The following ZNF721 variants were observed in gnomAD, a reference collection of about 807,000 sequenced individuals.
The protein encoded by ZNF721 is zinc finger protein 721.
ZNF721 carries 2 observed loss-of-function variants against 2.4 expected under a neutral mutation model. That is an observed-to-expected ratio of 0.82 (90% confidence interval 0.34 to 2.58). The LOEUF (loss-of-function observed/expected upper bound fraction) is 2.58. ZNF721 is among the 30% of genes most tolerant of loss of function. The pLI is 0.11. For synonymous variants in ZNF721, 398 were observed against 381.8 expected, an observed-to-expected ratio of 1.04 and a Z score of -0.50; for missense variants, 1,187 against 1,085.5, an observed-to-expected ratio of 1.09 and a Z score of -1.31.
intron 1 of ZNF721, among the ~76,000 whole-genome samples, chr4:491,841 G>A (rs532609846): frequency 3.3e-5 from 5 of 151,940 alleles, no homozygotes; most frequent in East Asian, 3.9e-4. Flanking sequence ...AAAGATAAAC[G>A]GATGTAATAA....
chr4:467,921 G>A (rs552675990), intron 2 of ZNF721, among the ~76,000 whole-genome samples: 1 of 151,976 alleles, frequency 6.6e-6, no homozygotes, highest in South Asian at 2.1e-4. Flanking sequence ...CAAATCAGGA[G>A]GTCAGGAGAT....
chr4:472,936 G>A (rs1285843612), intron 1 of ZNF721, among the ~76,000 whole-genome samples: 1 of 152,010 alleles, frequency 6.6e-6, no homozygotes, highest in Non-Finnish European at 1.5e-5. Context: ...CCAAAACCAA[G>A]CAGAGTAGGC....
intron 2 of ZNF721, among the ~76,000 whole-genome samples, chr4:465,495 C>G (rs1715217672): frequency 6.6e-6 from 1 of 151,018 alleles, no homozygotes; most frequent in African/African-American, 2.4e-5. Flanking sequence ...GCAGTGGTGC[C>G]ATCTCGGCTT....
chr4:499,003 C>G, intron 1 of ZNF721, 53 bp downstream of exon 1: 1 of 346,174 alleles, frequency 2.9e-6, no homozygotes, highest in Non-Finnish European at 5.3e-6. Flanking sequence ...GGATTAAAGG[C>G]GTGAGCCACT....
intron 2 of ZNF721, among the ~76,000 whole-genome samples, chr4:449,550 G>A (rs1265707212): frequency 3.9e-5 from 6 of 152,068 alleles, no homozygotes; most frequent in African/African-American, 1.4e-4. Flanking sequence ...GACCTCAAAA[G>A]CACAGGCAGA....
intron 1 of ZNF721, among the ~76,000 whole-genome samples, chr4:494,007 A>G (rs1172861056): frequency 3.9e-5 from 6 of 152,346 alleles, no homozygotes; most frequent in African/African-American, 1.4e-4. Context: ...CTTAAGTGAC[A>G]TAAACTTCAA....
At chr4:495,590 A>C (rs1270869353) in intron 1 of ZNF721, among the ~76,000 whole-genome samples, 1 of 150,062 alleles carries the variant, frequency 6.7e-6, no homozygotes, top group Non-Finnish European at 1.5e-5. Flanking sequence ...CAAGTTTTAG[A>C]GGAAGTTTGC....
rs937498468 is a variant in ZNF721 at position 440,297 on chromosome 4, A to C, written c.*1398T>G. On this transcript the variant is annotated 3_prime_UTR_variant, in exon 3 of 3. Transcript: ENST00000511833. ...CCCACCTAATGCAAAGGAGTTTCTC[A>C]TATCTCTGACGCAGCAACAATTTAT... The C allele has an allele frequency of 1.3e-5, 2 of 152,212 alleles. No individual in the cohort carries two copies. The highest frequency in any genetic ancestry group is 4.1e-4 in the South Asian group (2 of 4,830). The allele number at this position is 152,212 out of a possible 1,614,324, so 9.4% of individuals were successfully genotyped here.
At chr4:469,051 A>C (rs1233272733) in intron 2 of ZNF721, among the ~76,000 whole-genome samples, 1 of 152,224 alleles carries the variant, frequency 6.6e-6, no homozygotes, top group Non-Finnish European at 1.5e-5. Context: ...TAATAAATGC[A>C]TTCATTAAGG....
chr4:442,236 TTA>T lies in ZNF721; in HGVS notation c.2229_2230del (p.Tyr743Ter). On this transcript the variant is annotated stop_gained and frameshift_variant, in exon 3 of 3. Transcript: ENST00000511833. LOFTEE classifies it low-confidence loss of function (END_TRUNC). ...GAGTTTATCTCCAGTATGAATTTTC[TTA>T]TATTCGTTCAGGTTTGTGGACCATC... is the stretch of plus-strand genomic sequence containing the variant. 5 of 1,613,242 alleles carry T rather than the reference TTA, an allele frequency of 3.1e-6. No individual in the cohort carries two copies. Among genetic ancestry groups the T allele is most frequent in the Middle Eastern group, 1.7e-4 (1 of 6,060 alleles).
intron 2 of ZNF721, among the ~76,000 whole-genome samples, chr4:460,148 T>G (rs1388771120): frequency 2.0e-5 from 3 of 152,166 alleles, no homozygotes; most frequent in Non-Finnish European, 4.4e-5. Flanking sequence ...TACATTATTC[T>G]CGGCACCACA....
At chr4:452,688 G>A (rs1176868748) in intron 2 of ZNF721, among the ~76,000 whole-genome samples, 2 of 152,148 alleles carry the variant, frequency 1.3e-5, no homozygotes, top group African/African-American at 4.8e-5. Context: ...TACCTTTGGG[G>A]TTTTGGACCC....
intron 1 of ZNF721, chr4:473,867 G>A (rs1206771383): frequency 7.5e-7 from 1 of 1,333,882 alleles, no homozygotes; most frequent in Non-Finnish European, 1.0e-6. Context: ...GAGGACCGAG[G>A]GCTAAGCGGC....
chr4:447,783 T>TA (rs1407730093), intron 2 of ZNF721, among the ~76,000 whole-genome samples: 1 of 146,582 alleles, frequency 6.8e-6, no homozygotes, highest in African/African-American at 2.5e-5. Flanking sequence ...ATACTTTAAC[T>TA]AAAAGTTCAG....
chr4:476,005 T>G (rs571947164), intron 1 of ZNF721, among the ~76,000 whole-genome samples: 3 of 152,246 alleles, frequency 2.0e-5, no homozygotes, highest in East Asian at 3.9e-4. Flanking sequence ...CTTCTCAAAC[T>G]TTTTTTTACT....
chr4:463,250 G>A (rs1553866319), intron 2 of ZNF721, among the ~76,000 whole-genome samples: 2 of 150,070 alleles, frequency 1.3e-5, no homozygotes, highest in Admixed American at 1.3e-4. Context: ...AAGAAGTCAG[G>A]AAACAATAGG....
chr4:474,080 G>A lies in ZNF721; in HGVS notation c.-93-1379C>T, dbSNP rs1715555513. On this transcript the variant is annotated intron_variant, in intron 1 of 2. Transcript: ENST00000511833. The stretch of plus-strand genomic sequence containing the variant: ...AGGCTGAGGCTCTGGCAAAATCACC[G>A]AGGCCTCCCTGAGGTGTGGAAGCAG... 1.2e-5 allele frequency: 16 copies of A among 1,387,854 alleles called. No homozygotes were observed. The Admixed American group carries it at 3.0e-4, about 26-fold the overall frequency. The allele number at this position is 1,387,854 out of a possible 1,614,324, so 86.0% of individuals were successfully genotyped here.
chr4:468,900 A>C (rs568528739), intron 2 of ZNF721, among the ~76,000 whole-genome samples: 1 of 152,214 alleles, frequency 6.6e-6, no homozygotes. Context: ...ATTATTACCA[A>C]AAGTTTGTAT....
At position 441,813 on chromosome 4, in the gene ZNF721, T is replaced by G. The variant is rs879979615; in HGVS notation, c.2654A>C (p.Lys885Thr). 6.2e-7 allele frequency: 1 copy of G among 1,613,380 alleles called. No homozygotes were observed. The highest frequency in any genetic ancestry group is 8.5e-7 in the Non-Finnish European group (1 of 1,179,780). ...GTAGGGTTTCTCTCCAGTATGAATT[T>G]TCTTATGCGCATAAAGATTTGCAGA... is the stretch of plus-strand genomic sequence containing the variant. Reference protein sequence around the residue: ...RQSANLYAHKKIHTGEKPYTC... With the variant: ...RQSANLYAHKTIHTGEKPYTC... The change falls in exon 3 of 3, where the codon AAA becomes ACA. Residue 885 changes from lysine (K) to threonine (T), a missense_variant. Lys to Thr is a moderately conservative substitution (Grantham distance 78). Coordinates refer to ENST00000511833, the MANE Select transcript of ZNF721 (RefSeq NM_133474.4).
Sources: allele counts gnomAD v4.1 joint callset (sites outside exome capture counted in the v4.1 genomes callset), GRCh38; gene constraint gnomAD v4.1.1; transcripts MANE v1.5; gene names NCBI Gene and HGNC (gene_info 2026-07-23, HGNC 2026-07-21).